Variants in CFDP1 observed in about 807,000 individuals in gnomAD.
CFDP1 encodes chromatin remodeling protein CFDP1.
Under a neutral mutation model 40.1 loss-of-function variants are expected in CFDP1, and 31 were observed. The observed-to-expected ratio is 0.77, with a 90% CI of 0.58 to 1.04. CFDP1 has a LOEUF of 1.04. CFDP1 is among the 50% of genes least tolerant of loss of function. The pLI, the probability that CFDP1 is intolerant of heterozygous loss-of-function variation, is 0.00. For synonymous variants in CFDP1, 167 were observed against 120.0 expected (o/e 1.39, Z -2.56); for missense variants, 423 against 343.4 (o/e 1.23, Z -1.83).
intron 4 of CFDP1, among the ~76,000 whole-genome samples, chr16:75,402,075 T>C (rs2079060673): frequency 1.3e-5 from 2 of 152,202 alleles, no homozygotes; most frequent in African/African-American, 4.8e-5. Context: ...CTTTAGTAAT[T>C]GACACCAAGT....
At chr16:75,339,502 G>T (rs995708692) in intron 5 of CFDP1, among the ~76,000 whole-genome samples, 1 of 152,010 alleles carries the variant, frequency 6.6e-6, no homozygotes, top group Non-Finnish European at 1.5e-5. Flanking sequence ...ATGGTTTGGC[G>T]ACTGTTATGT....
intron 1 of CFDP1, among the ~76,000 whole-genome samples, chr16:75,421,457 G>GC (rs2079279093): frequency 6.6e-6 from 1 of 151,730 alleles, no homozygotes; most frequent in Non-Finnish European, 1.5e-5. Flanking sequence ...TTACTATGAG[G>GC]GAAAAAAAGA....
In CFDP1 at chr16:75,420,111, CAAA is replaced by C. The variant is rs10706144; in HGVS notation, c.65-5419_65-5417del. Among the ~76,000 whole-genome samples, 16 of 62,624 alleles carry C rather than the reference CAAA, an allele frequency of 2.6e-4. No homozygotes were observed. The East Asian group carries it at 5.2e-3, about 20-fold the overall frequency. The allele number at this position is 62,624 out of a possible 152,430, so 41.1% of individuals were successfully genotyped here. The stretch of plus-strand genomic sequence containing the variant: ...GAACAACACAGTGAGACCTTCATCT[CAAA>C]AAAAAAAAAAAAAAAAAAAAAATTA... On this transcript the variant is annotated intron_variant, in intron 1 of 6. Coordinates refer to ENST00000283882, the MANE Select transcript of CFDP1 (RefSeq NM_006324.3).
At chr16:75,402,088 T>A (rs1318778451) in intron 4 of CFDP1, among the ~76,000 whole-genome samples, 5 of 152,194 alleles carry the variant, frequency 3.3e-5, no homozygotes, top group African/African-American at 1.2e-4. Context: ...CACCAAGTAA[T>A]ATTACAGATT....
intron 5 of CFDP1, among the ~76,000 whole-genome samples, chr16:75,340,121 G>A (rs1033980925): frequency 2.6e-5 from 4 of 152,092 alleles, no homozygotes; most frequent in South Asian, 2.1e-4. Context: ...CAAATGTAAC[G>A]CCAGCCTTAT....
At chr16:75,357,055 G>C (rs1195133651) in intron 5 of CFDP1, among the ~76,000 whole-genome samples, 1 of 151,612 alleles carries the variant, frequency 6.6e-6, no homozygotes, top group Non-Finnish European at 1.5e-5. Flanking sequence ...TGGGACTACA[G>C]TCGTGTGCCA....
At chr16:75,389,048 T>A (rs1382495715) in intron 5 of CFDP1, among the ~76,000 whole-genome samples, 6 of 152,122 alleles carry the variant, frequency 3.9e-5, no homozygotes, top group Admixed American at 2.6e-4. Flanking sequence ...AGCTAAACAG[T>A]AGGCCCTTAA....
At chr16:75,298,841 G>A (rs577445786) in intron 6 of CFDP1, among the ~76,000 whole-genome samples, 9 of 152,322 alleles carry the variant, frequency 5.9e-5, no homozygotes, top group Non-Finnish European at 1.0e-4. Context: ...ACCCTGAGGA[G>A]TCATGAAAAT....
chr16:75,320,759 T>C (rs1357906783), intron 5 of CFDP1, among the ~76,000 whole-genome samples: 2 of 152,304 alleles, frequency 1.3e-5, no homozygotes, highest in East Asian at 1.9e-4. Context: ...GCTCAGAATA[T>C]GGGACATTGA....
intron 5 of CFDP1, among the ~76,000 whole-genome samples, chr16:75,370,220 G>C (rs2078741728): frequency 6.6e-6 from 1 of 151,774 alleles, no homozygotes. Flanking sequence ...GGCCTCCCAA[G>C]TAACTGGGAT....
intron 1 of CFDP1, among the ~76,000 whole-genome samples, chr16:75,429,204 A>G (rs1005533981): frequency 3.3e-5 from 5 of 152,242 alleles, no homozygotes; most frequent in African/African-American, 1.2e-4. Context: ...AGCAGAAATC[A>G]GTAACAAAAT....
At chr16:75,376,725 G>T (rs2078801155) in intron 5 of CFDP1, among the ~76,000 whole-genome samples, 1 of 152,142 alleles carries the variant, frequency 6.6e-6, no homozygotes, top group South Asian at 2.1e-4. Flanking sequence ...AAACCAAATT[G>T]ATGACTAGCT....
At chr16:75,374,405 C>A (rs2078776325) in intron 5 of CFDP1, among the ~76,000 whole-genome samples, 1 of 151,948 alleles carries the variant, frequency 6.6e-6, no homozygotes, top group African/African-American at 2.4e-5. Context: ...TTAGATTACT[C>A]CATTTATATA....
chr16:75,321,929 T>A (rs1257380405), intron 5 of CFDP1: 1 of 152,242 alleles, frequency 6.6e-6, no homozygotes, highest in African/African-American at 2.4e-5. Context: ...GTTCATGCCA[T>A]TCTCCTGCCT....
At chr16:75,307,810 T>C (rs2078268776) in intron 5 of CFDP1, among the ~76,000 whole-genome samples, 1 of 152,192 alleles carries the variant, frequency 6.6e-6, no homozygotes, top group Non-Finnish European at 1.5e-5. Context: ...TCCTCCTGCC[T>C]TGGCCTCCCG....
chr16:75,298,355 G>A (rs1263802393), intron 6 of CFDP1, among the ~76,000 whole-genome samples: 3 of 152,322 alleles, frequency 2.0e-5, no homozygotes, highest in East Asian at 3.9e-4. Context: ...CTGACCCGAC[G>A]TAGTCACCCT....
intron 5 of CFDP1, among the ~76,000 whole-genome samples, chr16:75,329,100 C>T (rs1219596697): frequency 1.3e-5 from 2 of 151,824 alleles, no homozygotes; most frequent in African/African-American, 2.4e-5. Context: ...CTGCCCGCCT[C>T]GGCCTCCTAA....
At chr16:75,306,490 G>A (rs1050761525) in intron 5 of CFDP1, 2 of 152,226 alleles carry the variant, frequency 1.3e-5, no homozygotes, top group East Asian at 1.9e-4. Flanking sequence ...AACTTTAGTA[G>A]AGAGGATGTC....
Position 75,411,943 on chromosome 16 carries a change from C to G in CFDP1, c.412G>C (p.Glu138Gln), listed in dbSNP as rs2079166697. ...TTACTTGAACTTGTCTCTTCAGTCT[C>G]CTCTCCTTTCTATAAAAAAAACAAG... ...PPSTQVKKGE[E>Q]TEETSSSKLL... Residue 138 changes from glutamate to glutamine, a missense_variant, in exon 4 of 7, where the codon GAG becomes CAG. Coordinates refer to ENST00000283882, the MANE Select transcript of CFDP1 (RefSeq NM_006324.3). 2 of 1,598,076 alleles carry G rather than the reference C, an allele frequency of 1.3e-6. No individual in the cohort carries two copies. Among genetic ancestry groups the G allele is most frequent in the Non-Finnish European group, 1.7e-6 (2 of 1,176,452 alleles).
Sources: allele counts gnomAD v4.1 joint callset (sites outside exome capture counted in the v4.1 genomes callset), GRCh38; gene constraint gnomAD v4.1.1; transcripts MANE v1.5; gene names NCBI Gene and HGNC (gene_info 2026-07-23, HGNC 2026-07-21).